Variants in CTNNA3 observed in about 807,000 individuals in gnomAD.
CTNNA3 encodes the protein catenin alpha 3.
A neutral mutation model predicts 95.7 loss-of-function variants in CTNNA3; 76 were observed. The observed-to-expected ratio is 0.79, with a 90% CI of 0.66 to 0.96. The LOEUF is 0.96. CTNNA3 is among the 40% of genes least tolerant of loss of function. The pLI is 0.00. For synonymous variants in CTNNA3, 431 were observed against 374.4 expected (o/e 1.15, Z -1.74); for missense variants, 1,191 against 1,089.8 (o/e 1.09, Z -1.31).
At chr10:66,133,078 C>T (rs1039138933) in intron 13 of CTNNA3, among the ~76,000 whole-genome samples, 7 of 151,784 alleles carry the variant, frequency 4.6e-5, no homozygotes, top group Non-Finnish European at 8.8e-5. Flanking sequence ...CCAGAACATA[C>T]AAAATGTACT....
rs60393769 is a variant in CTNNA3, at chr10:65,986,326, CAA to C, written c.2265+2364_2265+2365del. Reference sequence around the variant, plus strand: ...AAAAAGAAAAACCTAAAGGCTCTACCAAAAAAAAAAAACTCTTAGATTTGATA... The same window carrying C: ...AAAAAGAAAAACCTAAAGGCTCTACCAAAAAAAAAACTCTTAGATTTGATA... On this transcript the variant is annotated intron_variant, in intron 16 of 17. Transcript: ENST00000433211. Among the ~76,000 whole-genome samples, 846 of 143,304 alleles carry C rather than the reference CAA, an allele frequency of 5.9e-3. 4 individuals are homozygous for C. Among genetic ancestry groups the C allele is most frequent in the Middle Eastern group, 0.015 (4 of 272 alleles). The allele number at this position is 143,304 out of a possible 152,430, so 94.0% of individuals were successfully genotyped here. A position where few individuals can be genotyped will look rare whatever the true frequency, so the allele number is the denominator to read the frequency against.
intron 11 of CTNNA3, among the ~76,000 whole-genome samples, chr10:66,500,400 C>T (rs1840242183): frequency 6.6e-6 from 1 of 151,964 alleles, no homozygotes. Flanking sequence ...TTAATTATTC[C>T]ATGGTAGTTT....
intron 10 of CTNNA3, among the ~76,000 whole-genome samples, chr10:66,595,352 A>G (rs1843678975): frequency 6.6e-6 from 1 of 151,244 alleles, no homozygotes; most frequent in Non-Finnish European, 1.5e-5. Flanking sequence ...TATTATTATT[A>G]TTATTATTTG....
chr10:66,573,684 CT>C (rs1842932009), intron 10 of CTNNA3, among the ~76,000 whole-genome samples: 2 of 152,136 alleles, frequency 1.3e-5, no homozygotes, highest in Admixed American at 6.6e-5. Flanking sequence ...TTAATACCCC[CT>C]GCTTTCAATT....
In CTNNA3 at chr10:65,914,044, C is replaced by G. The variant is rs2076977526; in HGVS notation, c.*6286G>C. 6.6e-6 allele frequency: 1 copy of G among 152,116 alleles called. No homozygotes were observed. The highest frequency in any genetic ancestry group is 6.6e-5 in the Admixed American group (1 of 15,264). 9.4% of individuals were successfully genotyped at this position (152,116 alleles called of 1,614,324 possible). Reference sequence around the variant, plus strand: ...CCAAATAACCAGAACTAAAAATAACCATCCTTCTTGAAAATGCCAAGGAAA... The same window carrying G: ...CCAAATAACCAGAACTAAAAATAACGATCCTTCTTGAAAATGCCAAGGAAA... On this transcript the variant is annotated 3_prime_UTR_variant, in exon 18 of 18. Coordinates refer to ENST00000433211, the MANE Select transcript of CTNNA3 (RefSeq NM_013266.4).
intron 17 of CTNNA3, among the ~76,000 whole-genome samples, chr10:65,950,090 C>T (rs1393392462): frequency 1.3e-5 from 2 of 151,866 alleles, no homozygotes; most frequent in African/African-American, 4.8e-5. Context: ...TATTGATTTG[C>T]TATTAATAAC....
intron 13 of CTNNA3, among the ~76,000 whole-genome samples, chr10:66,164,095 C>T (rs1049454392): frequency 2.0e-5 from 3 of 152,136 alleles, no homozygotes; most frequent in Admixed American, 6.5e-5. Flanking sequence ...TGTCATATAG[C>T]TCAGATGCTT....
intron 13 of CTNNA3, among the ~76,000 whole-genome samples, chr10:66,132,164 A>T (rs1305161044): frequency 6.6e-6 from 1 of 152,218 alleles, no homozygotes; most frequent in Non-Finnish European, 1.5e-5. Flanking sequence ...ATTTTCTGAC[A>T]AAAGTCTAAT....
chr10:66,878,733 C>T (rs540833044), intron 7 of CTNNA3, among the ~76,000 whole-genome samples: 3 of 152,186 alleles, frequency 2.0e-5, no homozygotes, highest in African/African-American at 2.4e-5. Context: ...AGGTCCAACA[C>T]CCTACTGGAC....
At chr10:67,286,883 T>C (rs1018231154) in intron 5 of CTNNA3, among the ~76,000 whole-genome samples, 2 of 152,182 alleles carry the variant, frequency 1.3e-5, no homozygotes, top group Non-Finnish European at 1.5e-5. Context: ...TTCACAAGCC[T>C]GAGAATTATT....
chr10:67,479,286 G>T (rs886735114), intron 5 of CTNNA3, among the ~76,000 whole-genome samples: 3 of 152,102 alleles, frequency 2.0e-5, no homozygotes, highest in Non-Finnish European at 4.4e-5. Flanking sequence ...AACAGCCAGA[G>T]AATATATAAT....
intron 7 of CTNNA3, among the ~76,000 whole-genome samples, chr10:66,897,930 T>C (rs1845566263): frequency 6.6e-6 from 1 of 152,184 alleles, no homozygotes; most frequent in Non-Finnish European, 1.5e-5. Context: ...CCAAGGTGCC[T>C]TATTGATATG....
At chr10:66,317,364 G>A (rs912903352) in intron 12 of CTNNA3, among the ~76,000 whole-genome samples, 15 of 151,706 alleles carry the variant, frequency 9.9e-5, no homozygotes, top group South Asian at 2.1e-4. Context: ...TACAGTTTTC[G>A]TAGAAATACT....
At chr10:65,931,154 A>C (rs2077246809) in intron 17 of CTNNA3, among the ~76,000 whole-genome samples, 1 of 152,184 alleles carries the variant, frequency 6.6e-6, no homozygotes, top group South Asian at 2.1e-4. Flanking sequence ...TTAATAGCTG[A>C]CTTTCACAAT....
intron 3 of CTNNA3, among the ~76,000 whole-genome samples, chr10:67,581,737 G>T (rs565408316): frequency 1.3e-5 from 2 of 152,182 alleles, no homozygotes; most frequent in South Asian, 2.1e-4. Flanking sequence ...CAATTTCAGA[G>T]CCTGTTATTG....
At chr10:66,392,105 T>G (rs1471277375) in intron 11 of CTNNA3, among the ~76,000 whole-genome samples, 5 of 151,926 alleles carry the variant, frequency 3.3e-5, no homozygotes, top group Admixed American at 1.3e-4. Context: ...TCGTAAAAAT[T>G]TAAAACTTCT....
intron 15 of CTNNA3, among the ~76,000 whole-genome samples, chr10:66,045,416 A>G (rs1439404699): frequency 3.0e-4 from 45 of 152,150 alleles, no homozygotes; most frequent in Non-Finnish European, 1.5e-5. Context: ...CTGCCCCTTA[A>G]TTGTCCTTAA....
intron 7 of CTNNA3, among the ~76,000 whole-genome samples, chr10:66,984,761 C>T (rs183314549): frequency 9.5e-4 from 144 of 152,090 alleles, no homozygotes; most frequent in African/African-American, 2.9e-3. Flanking sequence ...GAAAGGAAAA[C>T]GAAAATTTAA....
chr10:66,601,870 C>G (rs1249753604), intron 10 of CTNNA3, among the ~76,000 whole-genome samples: 1 of 151,844 alleles, frequency 6.6e-6, no homozygotes, highest in African/African-American at 2.4e-5. Context: ...TCCAAGAAAT[C>G]TGGAGTGAAC....
Sources: allele counts gnomAD v4.1 joint callset (sites outside exome capture counted in the v4.1 genomes callset), GRCh38; gene constraint gnomAD v4.1.1; transcripts MANE v1.5; gene names NCBI Gene and HGNC (gene_info 2026-07-23, HGNC 2026-07-21).